DPP10: variants seen among roughly 807,000 people sequenced by gnomAD.
The protein encoded by DPP10 is dipeptidyl peptidase like 10, also known as inactive dipeptidyl peptidase 10.
Under a neutral mutation model 120.9 loss-of-function variants are expected in DPP10, and 33 were observed. The ratio of observed to expected loss-of-function variants is 0.27; its 90% CI spans 0.21 to 0.37. DPP10 has a LOEUF of 0.37. DPP10 is among the 10% of genes least tolerant of loss of function. The probability of loss-of-function intolerance (pLI) is 1.00; values close to 1 mark genes in which losing one functional copy is unlikely to be tolerated. For synonymous variants in DPP10, 337 were observed against 326.1 expected (o/e 1.03, Z -0.36); for missense variants, 816 against 942.8 (o/e 0.87, Z 1.76).
intron 1 of DPP10, among the ~76,000 whole-genome samples, chr2:115,227,827 A>T (rs892055112): frequency 2.7e-5 from 4 of 150,528 alleles, no homozygotes; most frequent in East Asian, 2.0e-4. Context: ...CTTTCTTTTT[A>T]TTCTCTTTTT....
At position 114,465,515 on chromosome 2, in the gene DPP10, A is replaced by G. The variant is rs1278891762; in HGVS notation, c.60+22677A>G. On this transcript the variant is annotated intron_variant, in intron 1 of 25. Transcript: ENST00000410059. ...AATGGCTGCTGCAGCACTTCCTGATATCTAGATCACAAAGTCCCTGAACAG... is the reference window on the plus strand; with the variant it reads ...AATGGCTGCTGCAGCACTTCCTGATGTCTAGATCACAAAGTCCCTGAACAG... Among the ~76,000 whole-genome samples the G allele has an allele frequency of 2.0e-5, 3 of 152,184 alleles. No individual in the cohort carries two copies. In the East Asian group the frequency reaches 5.8e-4, roughly 29 times the overall value.
chr2:115,277,162 T>A (rs1375995591), intron 1 of DPP10, among the ~76,000 whole-genome samples: 2 of 152,174 alleles, frequency 1.3e-5, no homozygotes. Flanking sequence ...ATTGTTTTCC[T>A]TTCTCAGAAG....
chr2:114,696,718 T>G (rs1271981280), intron 1 of DPP10, among the ~76,000 whole-genome samples: 1 of 151,712 alleles, frequency 6.6e-6, no homozygotes, highest in Non-Finnish European at 1.5e-5. Context: ...TAACCTAAAC[T>G]CTGCGTGTGT....
chr2:115,274,660 A>G (rs903709577), intron 1 of DPP10, among the ~76,000 whole-genome samples: 2 of 152,218 alleles, frequency 1.3e-5, no homozygotes, highest in Non-Finnish European at 2.9e-5. Context: ...AGAAAGAAAA[A>G]TTACCCATTA....
intron 5 of DPP10, among the ~76,000 whole-genome samples, chr2:115,612,071 T>C (rs1034945949): frequency 8.5e-5 from 13 of 152,290 alleles, no homozygotes; most frequent in Admixed American, 6.5e-4. Context: ...AGGAAAATGA[T>C]ACCAAATTGT....
chr2:115,603,122 C>CTGTGTG (rs61161169), intron 5 of DPP10, among the ~76,000 whole-genome samples: 81 of 143,900 alleles, frequency 5.6e-4, no homozygotes, highest in Non-Finnish European at 9.4e-4. Context: ...ATAAATAAAA[C>CTGTGTG]TGTGTGTGTG....
At chr2:115,700,523 A>C (rs577612859) in intron 7 of DPP10, among the ~76,000 whole-genome samples, 65 of 152,318 alleles carry the variant, frequency 4.3e-4, no homozygotes, top group African/African-American at 1.5e-3. Context: ...TGAGATAAGA[A>C]ACAAGGCAAG....
intron 3 of DPP10, among the ~76,000 whole-genome samples, chr2:115,400,223 G>C (rs2067970459): frequency 6.6e-6 from 1 of 152,012 alleles, no homozygotes; most frequent in Non-Finnish European, 1.5e-5. Flanking sequence ...ATGAGATTTG[G>C]GCAGGAACAC....
At chr2:115,580,826 T>C (rs192352636) in intron 5 of DPP10, among the ~76,000 whole-genome samples, 14 of 152,334 alleles carry the variant, frequency 9.2e-5, no homozygotes, top group South Asian at 2.1e-4. Flanking sequence ...ACATTTTTTT[T>C]CCCTTAAACA....
At chr2:115,452,563 C>G (rs1008306181) in intron 3 of DPP10, among the ~76,000 whole-genome samples, 1 of 151,894 alleles carries the variant, frequency 6.6e-6, no homozygotes, top group Non-Finnish European at 1.5e-5. Context: ...AACTGTGATT[C>G]TGCTTGCAAG....
Position 115,689,875 on chromosome 2 carries a change from A to G in DPP10, c.530A>G (p.Asp177Gly). 1 of 1,613,740 alleles carries G rather than the reference A, an allele frequency of 6.2e-7. No homozygotes were observed. Among genetic ancestry groups the G allele is most frequent in the Admixed American group, 1.7e-5 (1 of 59,896 alleles). Reference sequence around the variant, plus strand: ...GAGTTAAATCCTCCAGAAGTAGAGGACTCCGTCTTGCAGTACGCGGCCTGG... The same window carrying G: ...GAGTTAAATCCTCCAGAAGTAGAGGGCTCCGTCTTGCAGTACGCGGCCTGG... The part of the protein sequence containing the change: ...VWELNPPEVE[D>G]SVLQYAAWGV... The change falls in exon 7 of 26, where the codon GAC becomes GGC. Residue 177 changes from aspartate (D) to glycine (G), a missense_variant. This residue lies in a region of DPP10 where 182 missense variants were observed against 207.4 expected (regional missense o/e 0.88). Coordinates refer to ENST00000410059, the MANE Select transcript of DPP10 (RefSeq NM_020868.6).
At chr2:114,730,482 A>T (rs1180943082) in intron 1 of DPP10, among the ~76,000 whole-genome samples, 3 of 152,250 alleles carry the variant, frequency 2.0e-5, no homozygotes, top group Non-Finnish European at 4.4e-5. Context: ...TTTGCCTGGC[A>T]TGCAGAGTTG....
At chr2:115,243,203 G>A (rs2058370469) in intron 1 of DPP10, among the ~76,000 whole-genome samples, 1 of 152,156 alleles carries the variant, frequency 6.6e-6, no homozygotes, top group South Asian at 2.1e-4. Context: ...CTGCCTGACT[G>A]CTAAGGCGTT....
chr2:114,920,443 A>G (rs1304410494), intron 1 of DPP10, among the ~76,000 whole-genome samples: 2 of 152,200 alleles, frequency 1.3e-5, no homozygotes, highest in Non-Finnish European at 2.9e-5. Flanking sequence ...AGCACCTTCA[A>G]TGTCAAAAGA....
At chr2:115,587,574 C>A (rs2082376539) in intron 5 of DPP10, among the ~76,000 whole-genome samples, 2 of 152,148 alleles carry the variant, frequency 1.3e-5, no homozygotes, top group Non-Finnish European at 2.9e-5. Flanking sequence ...TTCGTGCACC[C>A]CCATGTTCTT....
intron 1 of DPP10, among the ~76,000 whole-genome samples, chr2:115,237,365 G>A (rs1410595316): frequency 6.6e-6 from 1 of 152,062 alleles, no homozygotes; most frequent in African/African-American, 2.4e-5. Flanking sequence ...AATAAATGTT[G>A]TGTGTGTTCT....
intron 3 of DPP10, among the ~76,000 whole-genome samples, chr2:115,344,421 C>T (rs768832796): frequency 5.3e-5 from 8 of 151,912 alleles, no homozygotes; most frequent in African/African-American, 1.9e-4. Context: ...GGAGCTAGTA[C>T]GTAGAAATGT....
At chr2:114,471,430 G>T (rs1219773430) in intron 1 of DPP10, among the ~76,000 whole-genome samples, 1 of 152,050 alleles carries the variant, frequency 6.6e-6, no homozygotes, top group Non-Finnish European at 1.5e-5. Context: ...AATCAAATAG[G>T]GATGGTAACA....
intron 1 of DPP10, among the ~76,000 whole-genome samples, chr2:115,177,948 A>G (rs2053816414): frequency 6.6e-6 from 1 of 152,088 alleles, no homozygotes; most frequent in Non-Finnish European, 1.5e-5. Context: ...TATTTTTAGT[A>G]GAGACGGGGA....
Sources: gnomAD v4.1 joint callset for allele counts (sites outside exome capture counted in the v4.1 genomes callset) on GRCh38, gnomAD v4.1.1 for gene constraint, gnomAD v4.1.1 regional missense constraint, MANE v1.5 for transcripts, NCBI Gene and HGNC (gene_info 2026-07-23, HGNC 2026-07-21) for gene names.